The following TSEN34 variants were observed in gnomAD, a reference collection of about 807,000 sequenced individuals.
TSEN34 encodes the protein tRNA splicing endonuclease subunit 34.
In TSEN34, 25 loss-of-function variants were observed where a neutral mutation model predicts 30.2. That is an observed-to-expected ratio of 0.83 (90% CI 0.60 to 1.16). The LOEUF is 1.16. TSEN34 is among the 50% of genes most tolerant of loss of function. The pLI is 0.00. For missense variants in TSEN34, 475 were observed against 411.9 expected, an observed-to-expected ratio of 1.15 and a Z score of -1.33; for synonymous variants, 209 against 177.4, an observed-to-expected ratio of 1.18 and a Z score of -1.41.
rs766045671 is a variant in TSEN34 at position 54,192,187 on chromosome 19, C to A, written c.559C>A (p.Leu187Met). 1.2e-6 allele frequency: 2 copies of A among 1,614,198 alleles called. No homozygotes were observed. Among genetic ancestry groups the A allele is most frequent in the African/African-American group, 1.3e-5 (1 of 75,062 alleles). The change falls in exon 3 of 4, where the codon CTG (leucine) becomes ATG (methionine). Residue 187 changes from leucine to methionine, a missense_variant. Transcript: ENST00000396388. ...PLPRSALLVQ[L>M]ATARPRPVKA... ...GCCCAGATCTGCTCTCCTTGTCCAGCTGGCCACTGCCAGGCCTCGACCGGT... is the reference window on the plus strand; with the variant it reads ...GCCCAGATCTGCTCTCCTTGTCCAGATGGCCACTGCCAGGCCTCGACCGGT...
Position 54,194,414 on chromosome 19 carries a change from A to ATT in TSEN34, c.*1052_*1053insTT, listed in dbSNP as rs2076820374. On this transcript the variant is annotated 3_prime_UTR_variant, in exon 4 of 4. Coordinates refer to ENST00000396388, the MANE Select transcript of TSEN34 (RefSeq NM_001077446.4). Reference sequence around the variant, plus strand: ...TGTTATATTCTGCAATTTTTATAAAAGCTAAAACACATGTATTTGTAAAAA... The same window carrying ATT: ...TGTTATATTCTGCAATTTTTATAAAATTGCTAAAACACATGTATTTGTAAAAA... 1 of 152,184 alleles carries ATT rather than the reference A, an allele frequency of 6.6e-6. No individual in the cohort carries two copies. The highest frequency in any genetic ancestry group is 1.9e-4 in the East Asian group (1 of 5,202). 9.4% of individuals were successfully genotyped at this position (152,184 alleles called of 1,614,324 possible).
upstream of TSEN34, chr19:54,191,061 G>A: frequency 7.8e-7 from 1 of 1,274,636 alleles, no homozygotes; most frequent in Non-Finnish European, 9.9e-7. Context: ...TGCGGGCACA[G>A]AGCGGGTGCC....
rs1401307158 is a variant in TSEN34 at position 54,191,621 on chromosome 19, G to A, written c.243+14G>A. On this transcript the variant is annotated intron_variant, in intron 1 of 3. Transcript: ENST00000396388. Reference sequence around the variant, plus strand: ...CACCACAGCCTGGTAAGGGGGCGGGGCTCGAACTCGGGTTCGGTGGGAGCG... The same window carrying A: ...CACCACAGCCTGGTAAGGGGGCGGGACTCGAACTCGGGTTCGGTGGGAGCG... The A allele has an allele frequency of 6.2e-7, 1 of 1,605,058 alleles. No individual in the cohort carries two copies. Among genetic ancestry groups the A allele is most frequent in the Non-Finnish European group, 8.5e-7 (1 of 1,179,256 alleles).
intron 3 of TSEN34, 102 bp from the exon 4 acceptor site, chr19:54,193,073 G>C: frequency 6.4e-7 from 1 of 1,551,922 alleles, no homozygotes. Flanking sequence ...AGTATCTATA[G>C]TGATGGCTGA....
At position 54,193,719 on chromosome 19, in the gene TSEN34, A is replaced by T. The variant is rs1279372448; in HGVS notation, c.*357A>T. 1.4e-6 allele frequency: 1 copy of T among 740,626 alleles called. No individual in the cohort carries two copies. The highest frequency in any genetic ancestry group is 2.4e-6 in the Non-Finnish European group (1 of 419,784). The allele number at this position is 740,626 out of a possible 1,614,324, so 45.9% of individuals were successfully genotyped here. On this transcript the variant is annotated 3_prime_UTR_variant, in exon 4 of 4. Transcript: ENST00000396388. ...GGAACCCGTGGATGGTCTCATCTGC[A>T]TGTACAGGTGAGAAAAAGGCCTGGA...
In TSEN34 at chr19:54,191,622, C is replaced by T; in HGVS notation, c.243+15C>T. The T allele has an allele frequency of 6.2e-7, 1 of 1,605,176 alleles. No homozygotes were observed. The highest frequency in any genetic ancestry group is 1.1e-5 in the South Asian group (1 of 91,040). On this transcript the variant is annotated intron_variant, in intron 1 of 3. Transcript: ENST00000396388. The stretch of plus-strand genomic sequence containing the variant: ...ACCACAGCCTGGTAAGGGGGCGGGG[C>T]TCGAACTCGGGTTCGGTGGGAGCGG...
upstream of TSEN34, chr19:54,190,917 T>C: frequency 9.5e-7 from 1 of 1,049,588 alleles, no homozygotes; most frequent in Non-Finnish European, 1.1e-6. Flanking sequence ...TTCTGACCGC[T>C]GACGGGAACA....
rs949329320 is a variant in TSEN34 at position 54,193,978 on chromosome 19, G to C, written c.*616G>C. On this transcript the variant is annotated 3_prime_UTR_variant, in exon 4 of 4. Coordinates refer to ENST00000396388, the MANE Select transcript of TSEN34 (RefSeq NM_001077446.4). ...GAACTTTTGGAGGCCAAGGCAGGGG[G>C]ATCGCTTGAGCCCAGGAGTTTGAGA... The C allele has an allele frequency of 2.7e-6, 1 of 369,664 alleles. No individual in the cohort carries two copies. The highest frequency in any genetic ancestry group is 2.1e-5 in the African/African-American group (1 of 47,924). 22.9% of individuals were successfully genotyped at this position (369,664 alleles called of 1,614,324 possible).
intron 2 of TSEN34, 29 bp downstream of exon 2, chr19:54,191,993 C>A (rs1310368365): frequency 6.2e-7 from 1 of 1,614,082 alleles, no homozygotes; most frequent in East Asian, 2.2e-5. Flanking sequence ...GTCCAGGGAC[C>A]ACGGGAAGGA....
upstream of TSEN34, chr19:54,191,053 C>T: frequency 2.4e-6 from 3 of 1,256,286 alleles, no homozygotes; most frequent in East Asian, 3.8e-5. Context: ...TACGGCAGTG[C>T]GGGCACAGAG....
At chr19:54,190,439 C>T (rs758677281), upstream of TSEN34, 3 of 1,436,296 alleles carry the variant, frequency 2.1e-6, no homozygotes, top group African/African-American at 3.0e-5. Context: ...GGACTGAGCG[C>T]TCCCAATTGG....
At chr19:54,191,044 A>C, upstream of TSEN34, 1 of 1,232,012 alleles carries the variant, frequency 8.1e-7, no homozygotes. Flanking sequence ...AATGGTAGGT[A>C]CGGCAGTGCG....
intron 3 of TSEN34, 73 bp downstream of exon 3, chr19:54,192,446 T>C (rs2147085207): frequency 6.3e-7 from 1 of 1,577,926 alleles, no homozygotes; most frequent in Non-Finnish European, 8.6e-7. Context: ...TTTTTCTTTT[T>C]TTTTTTTTTT....
At chr19:54,191,019 C>T (rs1362843843), upstream of TSEN34, 1 of 1,150,642 alleles carries the variant, frequency 8.7e-7, no homozygotes, top group Non-Finnish European at 1.1e-6. Context: ...GTTTGTTTTT[C>T]ACGCTCCAAG....
rs376782929 is a variant in TSEN34, at chr19:54,191,624, C to T, written c.243+17C>T. The T allele has an allele frequency of 1.2e-6, 2 of 1,605,292 alleles. No homozygotes were observed. Among genetic ancestry groups the T allele is most frequent in the Admixed American group, 1.7e-5 (1 of 59,992 alleles). On this transcript the variant is annotated intron_variant, in intron 1 of 3. Coordinates refer to ENST00000396388, the MANE Select transcript of TSEN34 (RefSeq NM_001077446.4). ...CACAGCCTGGTAAGGGGGCGGGGCT[C>T]GAACTCGGGTTCGGTGGGAGCGGGA... is the stretch of plus-strand genomic sequence containing the variant.
At chr19:54,190,831 G>T, upstream of TSEN34, 2 of 1,061,772 alleles carry the variant, frequency 1.9e-6, no homozygotes, top group Non-Finnish European at 2.3e-6. Context: ...AATCACAGTC[G>T]TTCGGAAAGA....
chr19:54,190,298 G>T (rs1205989182), upstream of TSEN34: 3 of 1,410,822 alleles, frequency 2.1e-6, no homozygotes, highest in Non-Finnish European at 2.9e-6. Context: ...TCGGCATGAG[G>T]GGGTGGAGCA....
At chr19:54,190,821 A>G, upstream of TSEN34, 1 of 1,068,784 alleles carries the variant, frequency 9.4e-7, no homozygotes, top group Non-Finnish European at 1.1e-6. Context: ...CCGAAAGCCG[A>G]ATCACAGTCG....
At position 54,191,590 on chromosome 19, in the gene TSEN34, T is replaced by A; in HGVS notation, c.226T>A (p.Ser76Thr). The A allele has an allele frequency of 6.2e-7, 1 of 1,602,796 alleles. No individual in the cohort carries two copies. The highest frequency in any genetic ancestry group is 8.5e-7 in the Non-Finnish European group (1 of 1,179,316). The change falls in exon 1 of 4, where the codon TCT becomes ACT. Residue 76 changes from serine (S) to threonine (T), a missense_variant. Ser to Thr is a moderately conservative substitution (Grantham distance 58). Transcript: ENST00000396388. ...TCTGGTCAGCGCCCCGCGTCCAGAC[T>A]CTCGGCACCACAGCCTGGTAAGGGG... The part of the protein sequence containing the change: ...VTLVSAPRPD[S>T]RHHSLALTSF...
Sources: gnomAD v4.1 joint callset for allele counts on GRCh38, gnomAD v4.1.1 for gene constraint, MANE v1.5 for transcripts, NCBI Gene and HGNC (gene_info 2026-07-23, HGNC 2026-07-21) for gene names.